Variants in RNLS observed in about 807,000 individuals in gnomAD.
RNLS encodes the protein renalase, FAD dependent amine oxidase, also known as renalase.
In RNLS, 39 loss-of-function variants were observed where a neutral mutation model predicts 39.8. The observed-to-expected ratio is 0.98, with a 90% CI of 0.76 to 1.28. The LOEUF is 1.28. RNLS is among the 50% of genes most tolerant of loss of function. The pLI is 0.00. For missense variants in RNLS, 410 were observed against 413.3 expected, an observed-to-expected ratio of 0.99 and a Z score of 0.07; for synonymous variants, 147 against 150.7, an observed-to-expected ratio of 0.98 and a Z score of 0.18.
At chr10:88,580,818 CA>C (rs1850493157) in intron 3 of RNLS, among the ~76,000 whole-genome samples, 1 of 152,048 alleles carries the variant, frequency 6.6e-6, no homozygotes, top group South Asian at 2.1e-4. Flanking sequence ...ATTACACTGG[CA>C]AAAATTAAAA....
intron 6 of RNLS, among the ~76,000 whole-genome samples, chr10:88,286,959 T>TA (rs916436734): frequency 2.0e-5 from 3 of 151,074 alleles, no homozygotes; most frequent in Admixed American, 2.0e-4. Context: ...CCTGACTAAT[T>TA]AAAAAAAAAT....
chr10:88,359,858 G>A (rs374234199), intron 5 of RNLS, among the ~76,000 whole-genome samples: 7 of 152,118 alleles, frequency 4.6e-5, no homozygotes, highest in Non-Finnish European at 5.9e-5. Flanking sequence ...TGTATAGTCC[G>A]TTAGGAGATA....
the RNLS span, among the ~76,000 whole-genome samples, chr10:88,211,784 G>A: frequency 1.3e-5 from 2 of 152,140 alleles, no homozygotes; most frequent in Non-Finnish European, 2.9e-5. Flanking sequence ...TTTCTTCAAG[G>A]TCAATGAAGG....
intron 4 of RNLS, among the ~76,000 whole-genome samples, chr10:88,502,313 G>A (rs1845541713): frequency 8.4e-6 from 1 of 119,008 alleles, no homozygotes; most frequent in Non-Finnish European, 1.7e-5. Context: ...GGTTGAATGA[G>A]TTCTCCTGGG....
intron 1 of RNLS, 137 bp downstream of exon 1, chr10:88,582,936 G>A: frequency 9.7e-7 from 1 of 1,034,128 alleles, no homozygotes; most frequent in Non-Finnish European, 1.3e-6. Context: ...TCGGCGCATG[G>A]GCCGCGCTAC....
the RNLS span, among the ~76,000 whole-genome samples, chr10:88,191,355 G>A: frequency 1.3e-5 from 2 of 151,702 alleles, no homozygotes; most frequent in African/African-American, 4.8e-5. Context: ...TCTCTTTTTA[G>A]TTTCTTTTTT....
chr10:88,462,237 G>A (rs1842964776), intron 4 of RNLS, among the ~76,000 whole-genome samples: 1 of 151,948 alleles, frequency 6.6e-6, no homozygotes, highest in Non-Finnish European at 1.5e-5. Flanking sequence ...TGGGTACATA[G>A]TAGGTGTATA....
intron 4 of RNLS, among the ~76,000 whole-genome samples, chr10:88,553,780 A>G (rs1848713855): frequency 6.6e-6 from 1 of 152,160 alleles, no homozygotes; most frequent in African/African-American, 2.4e-5. Flanking sequence ...GTCTACCTCT[A>G]TGTACGCTAA....
At chr10:88,510,367 A>T (rs1474419926) in intron 4 of RNLS, among the ~76,000 whole-genome samples, 1 of 152,168 alleles carries the variant, frequency 6.6e-6, no homozygotes, top group African/African-American at 2.4e-5. Flanking sequence ...TGTTTAAATT[A>T]TTCAAATTAG....
At chr10:88,496,381 G>A (rs1024818902) in intron 4 of RNLS, among the ~76,000 whole-genome samples, 10 of 152,250 alleles carry the variant, frequency 6.6e-5, no homozygotes, top group Admixed American at 4.6e-4. Flanking sequence ...GCTAAACCCA[G>A]TGCACGCTTC....
At chr10:88,217,817 A>G in the RNLS span, among the ~76,000 whole-genome samples, 1 of 151,224 alleles carries the variant, frequency 6.6e-6, no homozygotes, top group African/African-American at 2.4e-5. Flanking sequence ...AAGCGGGTGG[A>G]TCACCTGAGG....
chr10:88,429,948 G>T (rs1855037197), intron 4 of RNLS, among the ~76,000 whole-genome samples: 1 of 151,728 alleles, frequency 6.6e-6, no homozygotes, highest in African/African-American at 2.4e-5. Context: ...GGCTATGTTA[G>T]CTCTCCAACT....
chr10:88,366,510 G>C (rs1408635143), intron 4 of RNLS, among the ~76,000 whole-genome samples: 1 of 151,410 alleles, frequency 6.6e-6, no homozygotes, highest in East Asian at 1.9e-4. Context: ...ATTATGAGAG[G>C]CTATTGATTT....
At chr10:88,409,280 A>G (rs1038243744) in intron 4 of RNLS, among the ~76,000 whole-genome samples, 1 of 151,278 alleles carries the variant, frequency 6.6e-6, no homozygotes, top group African/African-American at 2.4e-5. Flanking sequence ...TTGGGATACA[A>G]AATTGAGAAA....
At chr10:88,276,297 C>A (rs1445944770) in intron 6 of RNLS, among the ~76,000 whole-genome samples, 1 of 151,842 alleles carries the variant, frequency 6.6e-6, no homozygotes, top group Non-Finnish European at 1.5e-5. Context: ...ATCAAGTAGA[C>A]CAATTTGTAT....
intron 4 of RNLS, among the ~76,000 whole-genome samples, chr10:88,422,312 T>A (rs1272404575): frequency 2.6e-5 from 4 of 152,154 alleles, no homozygotes. Flanking sequence ...GGATGGGGGA[T>A]ACGAATTCGA....
intron 4 of RNLS, among the ~76,000 whole-genome samples, chr10:88,477,289 C>T (rs1843872390): frequency 6.6e-6 from 1 of 152,092 alleles, no homozygotes; most frequent in East Asian, 1.9e-4. Context: ...GACGAAGGAA[C>T]AACAAAGCAG....
the RNLS span, among the ~76,000 whole-genome samples, chr10:88,183,106 G>A: frequency 6.6e-6 from 1 of 152,104 alleles, no homozygotes; most frequent in Non-Finnish European, 1.5e-5. Context: ...AGTGAAGAAG[G>A]TACTTTCAGT....
chr10:88,582,711 G>A (rs926226509), intron 1 of RNLS, among the ~76,000 whole-genome samples: 1 of 152,204 alleles, frequency 6.6e-6, no homozygotes, highest in African/African-American at 2.4e-5. Flanking sequence ...AAAGCCAACA[G>A]ACAGACCAAG....
Sources: allele counts gnomAD v4.1 joint callset (sites outside exome capture counted in the v4.1 genomes callset), GRCh38; gene constraint gnomAD v4.1.1; transcripts MANE v1.5; gene names NCBI Gene and HGNC (gene_info 2026-07-23, HGNC 2026-07-21).